The following KLHL20 variants were observed in gnomAD, a reference collection of about 807,000 sequenced individuals.
KLHL20 encodes the protein kelch-like protein 20.
KLHL20 carries 29 observed loss-of-function variants against 69.5 expected under a neutral mutation model. The observed-to-expected ratio is 0.42, with a 90% CI of 0.31 to 0.57. The LOEUF (loss-of-function observed/expected upper bound fraction) is 0.57. Ranked by LOEUF, KLHL20 falls within the 20% of genes least tolerant of loss-of-function variation. The pLI is 0.18. For synonymous variants in KLHL20, 253 were observed against 265.2 expected (o/e 0.95, Z 0.45); for missense variants, 419 against 776.0 (o/e 0.54, Z 5.47).
chr1:173,729,258 G>A (rs1672133636), intron 2 of KLHL20, among the ~76,000 whole-genome samples: 1 of 152,132 alleles, frequency 6.6e-6, no homozygotes, highest in African/African-American at 2.4e-5. Context: ...AAAAGTCCAG[G>A]ACCAGATGGA....
intron 2 of KLHL20, among the ~76,000 whole-genome samples, chr1:173,726,182 A>G (rs1329291307): frequency 6.6e-6 from 1 of 152,168 alleles, no homozygotes; most frequent in East Asian, 1.9e-4. Context: ...ACTGTAAAGC[A>G]GCAGCGAGGC....
chr1:173,774,934 C>G (rs1456827521), intron 9 of KLHL20, among the ~76,000 whole-genome samples: 1 of 152,138 alleles, frequency 6.6e-6, no homozygotes, highest in African/African-American at 2.4e-5. Context: ...CCTCAGCCTC[C>G]CGAGTAGCTG....
chr1:173,777,226 T>C (rs1648526136), intron 10 of KLHL20, among the ~76,000 whole-genome samples: 1 of 152,250 alleles, frequency 6.6e-6, no homozygotes, highest in South Asian at 2.1e-4. Context: ...GCTGTTGGCA[T>C]ATAGAAATGC....
At chr1:173,755,891 T>A (rs1182925133) in intron 5 of KLHL20, 32 bp from the exon 6 acceptor site, 2 of 1,379,298 alleles carry the variant, frequency 1.5e-6, no homozygotes, top group Admixed American at 3.5e-5. Flanking sequence ...GTAATTTAGA[T>A]ATTTGGAATA....
intron 2 of KLHL20, among the ~76,000 whole-genome samples, chr1:173,731,893 TAATAAA>T (rs1348923908): frequency 1.3e-5 from 2 of 151,882 alleles, no homozygotes; most frequent in Non-Finnish European, 2.9e-5. Context: ...ATTAAAAATA[TAATAAA>T]AATAAAAACC....
chr1:173,733,463 G>A (rs1159442433), intron 2 of KLHL20, among the ~76,000 whole-genome samples: 3 of 152,066 alleles, frequency 2.0e-5, no homozygotes, highest in Non-Finnish European at 4.4e-5. Flanking sequence ...AATGGTTTAT[G>A]TAGACCAGGC....
rs79892482 is a variant in KLHL20 at position 173,720,651 on chromosome 1, A to T, written c.23+4585A>T. On this transcript the variant is annotated intron_variant, in intron 2 of 11. Coordinates refer to ENST00000209884, the MANE Select transcript of KLHL20 (RefSeq NM_014458.4). ...TTAGATGAAAGATGATGAGAACCTG[A>T]AGTATATCTATGGCAGTGAGGGTTG... Among the ~76,000 whole-genome samples, 15 of 152,312 alleles carry T rather than the reference A, an allele frequency of 9.8e-5. No individual in the cohort carries two copies. The East Asian group carries it at 2.9e-3, about 29-fold the overall frequency.
intron 7 of KLHL20, among the ~76,000 whole-genome samples, chr1:173,759,440 G>A (rs901552206): frequency 6.6e-6 from 1 of 152,048 alleles, no homozygotes; most frequent in African/African-American, 2.4e-5. Context: ...CAAAAATAGG[G>A]TATTAAACCA....
Position 173,775,853 on chromosome 1 carries a change from A to T in KLHL20, c.1638+11A>T, listed in dbSNP as rs745821905. 16 of 1,613,068 alleles carry T rather than the reference A, an allele frequency of 9.9e-6. 1 individual carries two copies. The South Asian group carries it at 1.8e-4, about 18-fold the overall frequency. On this transcript the variant is annotated intron_variant, in intron 10 of 11. Coordinates refer to ENST00000209884, the MANE Select transcript of KLHL20 (RefSeq NM_014458.4). Reference sequence around the variant, plus strand: ...TCACGCCGTAGTGGAGTAAGTGGTTATGGACACTTAGGTTGCTTCCAAATC... The same window carrying T: ...TCACGCCGTAGTGGAGTAAGTGGTTTTGGACACTTAGGTTGCTTCCAAATC...
At chr1:173,725,894 T>G (rs1266299129) in intron 2 of KLHL20, among the ~76,000 whole-genome samples, 1 of 152,150 alleles carries the variant, frequency 6.6e-6, no homozygotes, top group Non-Finnish European at 1.5e-5. Context: ...TGTCAGACAG[T>G]AGGTGCAGGA....
intron 7 of KLHL20, among the ~76,000 whole-genome samples, chr1:173,759,066 C>A (rs1384876385): frequency 6.6e-6 from 1 of 152,152 alleles, no homozygotes; most frequent in African/African-American, 2.4e-5. Context: ...GAGACCAGCC[C>A]TTCAGTTTGT....
chr1:173,715,975 T>G, intron 1 of KLHL20, 28 bp from the exon 2 acceptor site: 2 of 1,480,132 alleles, frequency 1.4e-6, no homozygotes, highest in East Asian at 2.3e-5. Context: ...ATAGCTTTTA[T>G]TAAGTTCCTG....
At chr1:173,741,848 C>T in intron 3 of KLHL20, 1 of 1,586,836 alleles carries the variant, frequency 6.3e-7, no homozygotes, top group Non-Finnish European at 8.5e-7. Flanking sequence ...TGTGTGTTGG[C>T]TGCTCCACTG....
At position 173,733,791 on chromosome 1, in the gene KLHL20, A is replaced by G. The variant is rs370948615; in HGVS notation, c.102A>G (p.Pro34=). 2 of 1,614,062 alleles carry G rather than the reference A, an allele frequency of 1.2e-6. No individual in the cohort carries two copies. The highest frequency in any genetic ancestry group is 1.7e-6 in the Non-Finnish European group (2 of 1,180,028). Residue 34 remains proline, a synonymous_variant, in exon 3 of 12, where the codon CCA becomes CCG. Coordinates refer to ENST00000209884, the MANE Select transcript of KLHL20 (RefSeq NM_014458.4). ...CCCTTGGAGACCCCAACAAACTGCC[A>G]GAAGGGGTTCCCCAACCTGCCCGCA... ...RCTLGDPNKL[P]EGVPQPARMP... is the part of the protein sequence containing the mutation.
intron 3 of KLHL20, 87 bp downstream of exon 3, chr1:173,734,373 T>C (rs1483131021): frequency 2.8e-6 from 3 of 1,078,784 alleles, no homozygotes. Context: ...GCCTGGGTAT[T>C]TCCTGCTGAT....
intron 2 of KLHL20, among the ~76,000 whole-genome samples, chr1:173,719,028 C>G (rs917303129): frequency 1.4e-5 from 2 of 144,874 alleles, no homozygotes; most frequent in African/African-American, 2.7e-5. Context: ...TGGCGTGAAC[C>G]TGGGAGGCGG....
At chr1:173,746,956 T>C (rs1453116579) in intron 3 of KLHL20, among the ~76,000 whole-genome samples, 1 of 151,984 alleles carries the variant, frequency 6.6e-6, no homozygotes, top group East Asian at 1.9e-4. Context: ...CTGTTTATAT[T>C]TCTGTAACTC....
intron 3 of KLHL20, among the ~76,000 whole-genome samples, chr1:173,740,854 G>A (rs1014411834): frequency 6.6e-6 from 1 of 151,940 alleles, no homozygotes; most frequent in African/African-American, 2.4e-5. Context: ...TTTGCACTCA[G>A]TCAAATTATT....
At chr1:173,765,355 G>T (rs1228399882) in intron 7 of KLHL20, among the ~76,000 whole-genome samples, 1 of 152,028 alleles carries the variant, frequency 6.6e-6, no homozygotes, top group Non-Finnish European at 1.5e-5. Flanking sequence ...TACAAAAAAA[G>T]AGACGGGTGT....
Sources: allele counts gnomAD v4.1 joint callset (sites outside exome capture counted in the v4.1 genomes callset), GRCh38; gene constraint gnomAD v4.1.1; transcripts MANE v1.5; gene names NCBI Gene and HGNC (gene_info 2026-07-23, HGNC 2026-07-21).